The following TTK variants were observed in gnomAD, a reference collection of about 807,000 sequenced individuals.
The protein encoded by TTK is TTK protein kinase, also known as dual specificity protein kinase TTK.
A neutral mutation model predicts 117.3 loss-of-function variants in TTK; 59 were observed. The observed-to-expected ratio is 0.50, with a 90% confidence interval of 0.41 to 0.62. The LOEUF (loss-of-function observed/expected upper bound fraction) is 0.62, where lower values mean the gene tolerates loss of function less well. Among genes scored for constraint, TTK ranks in the 20% least tolerant of loss-of-function variants. The pLI, the probability that TTK is intolerant of heterozygous loss-of-function variation, is 0.00. For missense variants in TTK, 921 were observed against 989.4 expected, an observed-to-expected ratio of 0.93 and a Z score of 0.93; for synonymous variants, 302 against 325.0, an observed-to-expected ratio of 0.93 and a Z score of 0.76.
intron 2 of TTK, among the ~76,000 whole-genome samples, chr6:80,006,863 TAGTAGAA>T (rs1400801881): frequency 1.3e-5 from 2 of 152,208 alleles, no homozygotes; most frequent in Non-Finnish European, 2.9e-5. Flanking sequence ...CACTATATTT[TAGTAGAA>T]AGTAGAAACA....
chr6:80,020,109 T>C (rs1767419937), intron 10 of TTK, among the ~76,000 whole-genome samples: 2 of 152,148 alleles, frequency 1.3e-5, no homozygotes, highest in African/African-American at 4.8e-5. Flanking sequence ...CAATAGCTTT[T>C]ACCTCAGAAT....
chr6:80,027,033 A>T (rs962377511), intron 12 of TTK, among the ~76,000 whole-genome samples: 6 of 152,176 alleles, frequency 3.9e-5, no homozygotes. Context: ...GAGTGTGCTG[A>T]TAGGGAACAC....
chr6:80,007,748 A>G (rs1767031527), intron 2 of TTK, 61 bp from the exon 3 acceptor site: 4 of 1,401,818 alleles, frequency 2.9e-6, no homozygotes, highest in African/African-American at 1.4e-5. Context: ...TTGAAGGAAA[A>G]ATGCAATTTG....
chr6:80,014,595 A>G lies in TTK; in HGVS notation c.1108+9A>G, dbSNP rs239566. The G allele has an allele frequency of 0.59, 931,372 of 1,580,962 alleles. 277,263 individuals are homozygous for G. The highest frequency in any genetic ancestry group is 0.76 in the Admixed American group (40,968 of 53,554). On this transcript the variant is annotated intron_variant, in intron 10 of 21. Coordinates refer to ENST00000369798, the MANE Select transcript of TTK (RefSeq NM_003318.5). ...TCTAGCTAAATTAGAAGGTAAGAGT[A>G]ACAAAATCAGTAGACTTGTATGTTT...
chr6:80,019,963 T>TAG (rs1767413745), intron 10 of TTK, among the ~76,000 whole-genome samples: 1 of 152,218 alleles, frequency 6.6e-6, no homozygotes, highest in Non-Finnish European at 1.5e-5. Flanking sequence ...CATATGAACT[T>TAG]GAAAAGCATT....
chr6:80,028,174 G>T (rs1767656276), intron 13 of TTK, among the ~76,000 whole-genome samples, 163 bp downstream of exon 13: 1 of 152,020 alleles, frequency 6.6e-6, no homozygotes, highest in Non-Finnish European at 1.5e-5. Context: ...GTGCCTTGTG[G>T]CTTTGAGAGG....
chr6:80,033,719 A>G (rs1305635225), intron 14 of TTK, among the ~76,000 whole-genome samples: 2 of 152,094 alleles, frequency 1.3e-5, no homozygotes, highest in African/African-American at 4.8e-5. Context: ...AGAATTGCAT[A>G]AGGCTGTCTT....
chr6:80,034,009 A>C (rs544528817), intron 14 of TTK, among the ~76,000 whole-genome samples: 1 of 152,136 alleles, frequency 6.6e-6, no homozygotes, highest in Non-Finnish European at 1.5e-5. Context: ...TCCTTGGAGT[A>C]TAATGAAGGT....
chr6:80,029,454 A>G lies in TTK; in HGVS notation c.1521+1443A>G, dbSNP rs1379732018. On this transcript the variant is annotated intron_variant, in intron 13 of 21. Transcript: ENST00000369798. ...AATAAATTACAAAGGAAAAACAAAA[A>G]TGATCCAGTTTGTTCATGCATTGAT... Among the ~76,000 whole-genome samples, 31 of 152,224 alleles carry G rather than the reference A, an allele frequency of 2.0e-4. 1 individual carries two copies. Among genetic ancestry groups the G allele is most frequent in the Admixed American group, 1.9e-3 (29 of 15,284 alleles).
In TTK at chr6:80,036,579, A is replaced by G. The variant is rs1240997116; in HGVS notation, c.2029A>G (p.Ser677Gly). Residue 677 changes from serine (S) to glycine (G), a missense_variant, in exon 17 of 22, where the codon AGT becomes GGT. Physicochemically the swap from Ser to Gly is moderately conservative, Grantham distance 56. Transcript: ENST00000369798. Reference sequence around the variant, plus strand: ...AAACCAAATGCAACCAGATACAACAAGTGTTGTTAAAGATTCTCAGGTAAG... The same window carrying G: ...AAACCAAATGCAACCAGATACAACAGGTGTTGTTAAAGATTCTCAGGTAAG... The part of the protein sequence containing the change: ...IANQMQPDTT[S>G]VVKDSQVGTV... The G allele has an allele frequency of 6.2e-7, 1 of 1,609,868 alleles. No homozygotes were observed. The highest frequency in any genetic ancestry group is 8.5e-7 in the Non-Finnish European group (1 of 1,178,258).
At chr6:80,034,943 A>G in intron 14 of TTK, 42 bp from the exon 15 acceptor site, 2 of 1,398,048 alleles carry the variant, frequency 1.4e-6, no homozygotes, top group South Asian at 1.8e-5. Context: ...GTGATAGTGT[A>G]TAAATAGTAT....
At chr6:80,020,313 C>T (rs939929768) in intron 10 of TTK, among the ~76,000 whole-genome samples, 2 of 152,158 alleles carry the variant, frequency 1.3e-5, no homozygotes, top group Non-Finnish European at 2.9e-5. Flanking sequence ...CCTCTTTTAT[C>T]CTTTTTTTCC....
intron 20 of TTK, 67 bp downstream of exon 20, chr6:80,040,347 A>AT (rs1276500196): frequency 7.6e-7 from 1 of 1,318,706 alleles, no homozygotes; most frequent in Non-Finnish European, 1.0e-6. Flanking sequence ...ACCTATTAAT[A>AT]TAACAAAGAC....
Position 80,008,031 on chromosome 6 carries a change from CG to C in TTK, c.362+1del. On this transcript the variant is annotated splice_donor_variant, in intron 3 of 21. Transcript: ENST00000369798. LOFTEE classifies it high-confidence loss of function. ...CAAGTGAGATTTGCTGAATTAAAAG[CG>C]TAAGTATTAGCATTTTAACTATGTT... 1 of 1,612,522 alleles carries C rather than the reference CG, an allele frequency of 6.2e-7. No individual in the cohort carries two copies.
chr6:80,036,023 A>G (rs1582113604), intron 16 of TTK, among the ~76,000 whole-genome samples: 2 of 152,068 alleles, frequency 1.3e-5, no homozygotes, highest in East Asian at 3.9e-4. Flanking sequence ...TCAGGGCTAT[A>G]GGGGTGGAGA....
chr6:80,036,106 T>A (rs911704427), intron 16 of TTK, among the ~76,000 whole-genome samples: 2 of 152,122 alleles, frequency 1.3e-5, no homozygotes, highest in African/African-American at 4.8e-5. Context: ...TGAATCACAG[T>A]GGTTAAGAGG....
intron 14 of TTK, 27 bp downstream of exon 14, chr6:80,031,586 T>A: frequency 7.0e-7 from 1 of 1,422,276 alleles, no homozygotes; most frequent in Non-Finnish European, 9.4e-7. Context: ...ATTTACGAAA[T>A]AAATAAAAAT....
chr6:80,039,873 G>C lies in TTK; in HGVS notation c.2307+1G>C, dbSNP rs779719774. On this transcript the variant is annotated splice_donor_variant, in intron 19 of 21. Coordinates refer to ENST00000369798, the MANE Select transcript of TTK (RefSeq NM_003318.5). LOFTEE classifies it high-confidence loss of function. ...GAAAGATCTTCAAGATGTGTTAAAG[G>C]TAATATTAATTTCATGTAACTAATT... 1 of 1,525,532 alleles carries C rather than the reference G, an allele frequency of 6.6e-7. No homozygotes were observed. The highest frequency in any genetic ancestry group is 8.8e-7 in the Non-Finnish European group (1 of 1,140,186). 94.5% of individuals were successfully genotyped at this position (1,525,532 alleles called of 1,614,324 possible).
intron 11 of TTK, among the ~76,000 whole-genome samples, chr6:80,022,911 A>G (rs1281007249): frequency 6.6e-6 from 1 of 152,218 alleles, no homozygotes; most frequent in African/African-American, 2.4e-5. Context: ...TGATCTCTGA[A>G]CTAGCGCAGT....
Sources: allele counts gnomAD v4.1 joint callset (sites outside exome capture counted in the v4.1 genomes callset), GRCh38; gene constraint gnomAD v4.1.1; transcripts MANE v1.5; gene names NCBI Gene and HGNC (gene_info 2026-07-23, HGNC 2026-07-21).